DMD: variants seen among roughly 807,000 people sequenced by gnomAD.
The protein encoded by DMD is mutant dystrophin.
DMD carries 63 observed loss-of-function variants against 330.1 expected under a neutral mutation model. The ratio of observed to expected loss-of-function variants is 0.19; its 90% CI spans 0.16 to 0.24. DMD has a LOEUF of 0.24. Ranked by LOEUF, DMD falls within the 10% of genes least tolerant of loss-of-function variation. DMD has a pLI of 1.00. For synonymous variants in DMD, 1,223 were observed against 959.8 expected (o/e 1.27, Z -5.07); for missense variants, 3,344 against 2,684.1 (o/e 1.25, Z -5.43).
intron 33 of DMD, among the ~76,000 whole-genome samples, chrX:32,383,738 T>C (rs1346884698): frequency 9.0e-6 from 1 of 110,906 alleles, no homozygotes; most frequent in Non-Finnish European, 1.9e-5. Context: ...CTCTCAGATA[T>C]GTATTTTCAG....
At chrX:32,561,003 C>T (rs749218013) in intron 16 of DMD, among the ~76,000 whole-genome samples, 1 of 111,763 alleles carries the variant, frequency 8.9e-6, no homozygotes, top group African/African-American at 3.3e-5. Flanking sequence ...TGAGGAACCA[C>T]CACACTGTCT....
intron 7 of DMD, among the ~76,000 whole-genome samples, chrX:32,746,380 A>C (rs981057325): frequency 2.7e-5 from 3 of 111,922 alleles, no homozygotes; most frequent in African/African-American, 9.7e-5. Context: ...AATCTCACAC[A>C]GATCCTTAAT....
intron 42 of DMD, among the ~76,000 whole-genome samples, chrX:32,295,558 A>T (rs192255750): frequency 8.9e-6 from 1 of 112,648 alleles, no homozygotes; most frequent in East Asian, 2.8e-4. Context: ...CCTTAAGAAG[A>T]TAATTGGTTT....
chrX:32,583,893 G>T (rs909216671), intron 13 of DMD: 1 of 111,297 alleles, frequency 9.0e-6, no homozygotes, highest in Non-Finnish European at 1.9e-5. Flanking sequence ...GAATTTTAAA[G>T]TAGAGAGTTT....
At chrX:31,770,465 T>C (rs1468933494) in intron 51 of DMD, among the ~76,000 whole-genome samples, 1 of 111,952 alleles carries the variant, frequency 8.9e-6, no homozygotes, top group African/African-American at 3.2e-5. Context: ...TCCACCTCAG[T>C]GAAAAGCACA....
intron 74 of DMD, among the ~76,000 whole-genome samples, chrX:31,159,792 C>T (rs1340510896): frequency 1.8e-5 from 2 of 112,180 alleles, no homozygotes; most frequent in Non-Finnish European, 3.8e-5. Flanking sequence ...CCAAGCCACA[C>T]GAGGTTGATA....
chrX:31,786,421 T>G lies in DMD; in HGVS notation c.7310-12229A>C, dbSNP rs944327262. 5.8e-4 allele frequency among the ~76,000 whole-genome samples: 65 copies of G among 111,962 alleles called. 1 individual carries two copies. Among genetic ancestry groups the G allele is most frequent in the African/African-American group, 2.1e-3 (64 of 30,829 alleles). ...GTTAAGGAGATTTAAAAGAGATTTT[T>G]TTGAGTACTATAATAAATATCATCC... On this transcript the variant is annotated intron_variant, in intron 50 of 78. Coordinates refer to ENST00000357033, the MANE Select transcript of DMD (RefSeq NM_004006.3).
At chrX:31,919,784 C>T (rs751739542) in intron 47 of DMD, among the ~76,000 whole-genome samples, 1 of 112,234 alleles carries the variant, frequency 8.9e-6, no homozygotes, top group South Asian at 3.7e-4. Flanking sequence ...AGGCCCTTAT[C>T]AGCCCTTTTG....
At chrX:32,431,612 T>A (rs913210792) in intron 29 of DMD, among the ~76,000 whole-genome samples, 21 of 111,471 alleles carry the variant, frequency 1.9e-4, no homozygotes, top group Non-Finnish European at 3.8e-4. Flanking sequence ...TTTTAAATCA[T>A]TTCTTTCAAC....
At chrX:32,885,522 A>G (rs867230279) in intron 2 of DMD, among the ~76,000 whole-genome samples, 15 of 111,770 alleles carry the variant, frequency 1.3e-4, no homozygotes, top group African/African-American at 4.2e-4. Flanking sequence ...AAAATGATTC[A>G]GGAGATAAAC....
At chrX:32,406,887 T>G (rs1450190684) in intron 30 of DMD, among the ~76,000 whole-genome samples, 3 of 111,288 alleles carry the variant, frequency 2.7e-5, no homozygotes, top group Non-Finnish European at 5.7e-5. Flanking sequence ...CGATTCCCTA[T>G]TTAATAAATG....
At chrX:31,763,596 A>G (rs2089785511) in intron 51 of DMD, among the ~76,000 whole-genome samples, 1 of 111,420 alleles carries the variant, frequency 9.0e-6, no homozygotes, top group African/African-American at 3.3e-5. Flanking sequence ...ACAAAACAAA[A>G]CAAAAACGAC....
chrX:31,450,901 G>A (rs1245656062), intron 59 of DMD, among the ~76,000 whole-genome samples: 4 of 111,426 alleles, frequency 3.6e-5, no homozygotes, highest in Admixed American at 2.9e-4. Flanking sequence ...CTTCCTTTTG[G>A]CTGAGGGAGG....
intron 60 of DMD, among the ~76,000 whole-genome samples, chrX:31,406,916 A>G (rs2061422686): frequency 8.9e-6 from 1 of 111,789 alleles, no homozygotes; most frequent in Non-Finnish European, 1.9e-5. Flanking sequence ...AGGCACCCTA[A>G]TCCAAGGCAT....
intron 2 of DMD, among the ~76,000 whole-genome samples, chrX:32,992,016 T>C (rs1198633687): frequency 8.9e-6 from 1 of 112,370 alleles, no homozygotes; most frequent in African/African-American, 3.2e-5. Flanking sequence ...GAACATGATT[T>C]ACATTTTGTC....
At chrX:32,159,887 G>T (rs996495296) in intron 44 of DMD, among the ~76,000 whole-genome samples, 1 of 111,789 alleles carries the variant, frequency 8.9e-6, no homozygotes, top group African/African-American at 3.3e-5. Flanking sequence ...CAGAATCTCA[G>T]ACAATACCCC....
intron 18 of DMD, among the ~76,000 whole-genome samples, chrX:32,503,647 C>T (rs2044296081): frequency 9.0e-6 from 1 of 110,986 alleles, no homozygotes; most frequent in African/African-American, 3.3e-5. Flanking sequence ...CCTCTGCCTC[C>T]CGGGTTCAAG....
intron 42 of DMD, among the ~76,000 whole-genome samples, chrX:32,305,512 T>C (rs1351403232): frequency 9.0e-6 from 1 of 111,154 alleles, no homozygotes; most frequent in Non-Finnish European, 1.9e-5. Flanking sequence ...ATCTGCTATC[T>C]CTAATTTCAA....
chrX:33,050,131 T>C (rs1286852048), intron 1 of DMD, among the ~76,000 whole-genome samples: 1 of 112,188 alleles, frequency 8.9e-6, no homozygotes, highest in African/African-American at 3.2e-5. Flanking sequence ...TGAATATTTA[T>C]TCTATTGGAT....
Sources: gnomAD v4.1 joint callset for allele counts (sites outside exome capture counted in the v4.1 genomes callset) on GRCh38, gnomAD v4.1.1 for gene constraint, MANE v1.5 for transcripts, NCBI Gene and HGNC (gene_info 2026-07-23, HGNC 2026-07-21) for gene names.